The following FCHO2 variants were observed in gnomAD, a reference collection of about 807,000 sequenced individuals.
The protein encoded by FCHO2 is F-BAR domain only protein 2.
In FCHO2, 43 loss-of-function variants were observed where a neutral mutation model predicts 114.1. The ratio of observed to expected loss-of-function variants is 0.38; its 90% CI spans 0.30 to 0.49. The LOEUF is 0.49. Among genes scored for constraint, FCHO2 ranks in the 20% least tolerant of loss-of-function variants. The probability of loss-of-function intolerance (pLI) is 0.97; values close to 1 mark genes in which losing one functional copy is unlikely to be tolerated. For missense variants in FCHO2, 807 were observed against 950.4 expected (o/e 0.85, Z 1.98); for synonymous variants, 293 against 315.2 (o/e 0.93, Z 0.75).
chr5:72,995,486 C>T (rs565538524), intron 5 of FCHO2, among the ~76,000 whole-genome samples: 134 of 152,158 alleles, frequency 8.8e-4, no homozygotes, highest in Non-Finnish European at 1.5e-3. Context: ...GAACTCCTGA[C>T]CTCAAGCGAT....
chr5:73,077,225 C>G (rs532107292), intron 20 of FCHO2, 113 bp from the exon 21 acceptor site: 21 of 823,678 alleles, frequency 2.5e-5, no homozygotes, highest in Non-Finnish European at 3.4e-5. Flanking sequence ...GATATACACA[C>G]ATATAGGTGC....
At chr5:73,008,975 A>G (rs1754857298) in intron 6 of FCHO2, among the ~76,000 whole-genome samples, 1 of 152,254 alleles carries the variant, frequency 6.6e-6, no homozygotes, top group African/African-American at 2.4e-5. Context: ...GGGTTTTGTC[A>G]GTACACAAAG....
intron 2 of FCHO2, among the ~76,000 whole-genome samples, chr5:72,982,923 T>C (rs1310726981): frequency 2.8e-5 from 4 of 141,860 alleles, no homozygotes; most frequent in African/African-American, 9.8e-5. Flanking sequence ...ATTTGTTCCT[T>C]TTTTTTTTCA....
At chr5:72,975,711 G>C (rs1236042756) in intron 2 of FCHO2, among the ~76,000 whole-genome samples, 1 of 152,134 alleles carries the variant, frequency 6.6e-6, no homozygotes, top group Non-Finnish European at 1.5e-5. Context: ...TGCCATGTCA[G>C]CCAGGCTGGT....
chr5:73,063,852 A>G lies in FCHO2; in HGVS notation c.1357A>G (p.Thr453Ala), dbSNP rs375969109. ...LTSSSSARPTTPLSVGTIVPP... is the reference protein window; with the variant it reads ...LTSSSSARPTAPLSVGTIVPP... ...TCCCCCTCAACCAGCCAGGCCCACA[A>G]CTCCTCTTTCTGTAGGCACCATTGT... The change falls in exon 18 of 26, where the codon ACT becomes GCT. Residue 453 changes from threonine (T) to alanine (A), a missense_variant. Thr to Ala is a moderately conservative substitution (Grantham distance 58, BLOSUM62 0). Transcript: ENST00000430046. 2.0e-5 allele frequency: 33 copies of G among 1,611,418 alleles called. No individual in the cohort carries two copies. The highest frequency in any genetic ancestry group is 4.0e-5 in the African/African-American group (3 of 74,800).
At chr5:73,036,024 T>C (rs1756486556) in intron 9 of FCHO2, among the ~76,000 whole-genome samples, 1 of 151,954 alleles carries the variant, frequency 6.6e-6, no homozygotes, top group Non-Finnish European at 1.5e-5. Context: ...TTGTGTGTTT[T>C]TAGTAGAAAC....
At chr5:72,970,650 A>G (rs1004949036) in intron 2 of FCHO2, among the ~76,000 whole-genome samples, 5 of 151,702 alleles carry the variant, frequency 3.3e-5, no homozygotes, top group Non-Finnish European at 4.4e-5. Context: ...AAGATCATCA[A>G]TAATGCAGCA....
intron 5 of FCHO2, among the ~76,000 whole-genome samples, chr5:72,999,848 T>C (rs894110581): frequency 6.6e-6 from 1 of 152,206 alleles, no homozygotes; most frequent in African/African-American, 2.4e-5. Context: ...GCTAAGGAAA[T>C]GAATAAAACT....
chr5:73,000,697 C>T (rs981642448), intron 5 of FCHO2, among the ~76,000 whole-genome samples: 7 of 151,836 alleles, frequency 4.6e-5, no homozygotes, highest in African/African-American at 1.7e-4. Context: ...ATCTCTTGAA[C>T]CCAGGAGGCA....
At chr5:72,958,521 T>G (rs921365474) in intron 1 of FCHO2, among the ~76,000 whole-genome samples, 1 of 152,210 alleles carries the variant, frequency 6.6e-6, no homozygotes, top group Non-Finnish European at 1.5e-5. Context: ...TATTTTCAAT[T>G]CTATTCCATT....
intron 19 of FCHO2, among the ~76,000 whole-genome samples, chr5:73,069,831 C>T (rs1430924219): frequency 6.6e-6 from 1 of 152,036 alleles, no homozygotes; most frequent in African/African-American, 2.4e-5. Flanking sequence ...GTTTTTTCTA[C>T]AAATTCTTAC....
At chr5:73,057,606 A>G (rs1757655702) in intron 16 of FCHO2, among the ~76,000 whole-genome samples, 1 of 152,178 alleles carries the variant, frequency 6.6e-6, no homozygotes, top group African/African-American at 2.4e-5. Context: ...AGGGCTTAAA[A>G]AAATCACTTT....
intron 2 of FCHO2, among the ~76,000 whole-genome samples, chr5:72,987,419 C>T (rs551161409): frequency 1.9e-4 from 29 of 152,226 alleles, no homozygotes; most frequent in Non-Finnish European, 3.8e-4. Flanking sequence ...CTCACTGCAG[C>T]CTCCGCCTCC....
intron 2 of FCHO2, among the ~76,000 whole-genome samples, chr5:72,983,526 G>A (rs1462035981): frequency 2.0e-5 from 3 of 149,130 alleles, no homozygotes; most frequent in African/African-American, 7.4e-5. Flanking sequence ...ACCATGCCCA[G>A]TGTCTTTCAA....
In FCHO2 at chr5:73,046,300, C is replaced by G. The variant is rs559955850; in HGVS notation, c.939+4985C>G. 4.6e-5 allele frequency among the ~76,000 whole-genome samples: 7 copies of G among 152,262 alleles called. No homozygotes were observed. In the East Asian group the frequency reaches 1.4e-3, roughly 29 times the overall value. ...CAGGTTGGTCTTGAACTCTCGGCCT[C>G]AAGTGATCCTCCTGTTTGACCCCCC... is the stretch of plus-strand genomic sequence containing the variant. On this transcript the variant is annotated intron_variant, in intron 11 of 25. Coordinates refer to ENST00000430046, the MANE Select transcript of FCHO2 (RefSeq NM_138782.3).
intron 1 of FCHO2, among the ~76,000 whole-genome samples, chr5:72,957,864 T>C (rs1751641641): frequency 6.6e-6 from 1 of 152,216 alleles, no homozygotes; most frequent in Admixed American, 6.5e-5. Flanking sequence ...TATAATATAG[T>C]GAGTGAACGT....
At chr5:73,009,340 A>G (rs1373607094) in intron 6 of FCHO2, among the ~76,000 whole-genome samples, 1 of 152,224 alleles carries the variant, frequency 6.6e-6, no homozygotes, top group Non-Finnish European at 1.5e-5. Context: ...TCAGCTAAGC[A>G]TTTGCCGTTT....
intron 2 of FCHO2, among the ~76,000 whole-genome samples, chr5:72,978,301 T>A (rs1021134497): frequency 1.1e-4 from 17 of 152,268 alleles, no homozygotes; most frequent in Non-Finnish European, 2.5e-4. Flanking sequence ...TGGTTCATAG[T>A]TCTCCTTGAA....
intron 8 of FCHO2, chr5:73,021,402 C>T (rs894497573): frequency 6.8e-6 from 2 of 295,644 alleles, no homozygotes; most frequent in African/African-American, 4.3e-5. Context: ...TTCTTTTACT[C>T]CTATTCAAGT....
Sources: allele counts gnomAD v4.1 joint callset (sites outside exome capture counted in the v4.1 genomes callset), GRCh38; gene constraint gnomAD v4.1.1; transcripts MANE v1.5; gene names NCBI Gene and HGNC (gene_info 2026-07-23, HGNC 2026-07-21).